Variants in USH2A observed in about 807,000 individuals in gnomAD.
USH2A encodes usherin, also known as Usher syndrome 2A (autosomal recessive, mild).
Under a neutral mutation model 538.9 loss-of-function variants are expected in USH2A, and 443 were observed. That is an observed-to-expected ratio of 0.82 (90% CI 0.76 to 0.89). The LOEUF is 0.89. Ranked by LOEUF, USH2A falls within the 40% of genes least tolerant of loss-of-function variation. The probability of loss-of-function intolerance (pLI) is 0.00; values close to 1 mark genes in which losing one functional copy is unlikely to be tolerated. For synonymous variants in USH2A, 2,413 were observed against 2,273.5 expected, an observed-to-expected ratio of 1.06 and a Z score of -1.75; for missense variants, 6,633 against 6,324.8, an observed-to-expected ratio of 1.05 and a Z score of -1.65.
In USH2A at chr1:215,844,393, A is replaced by G. The variant is rs397518042; in HGVS notation, c.9159T>C (p.Tyr3053=). The G allele has an allele frequency of 6.2e-7, 1 of 1,613,752 alleles. No individual in the cohort carries two copies. Among genetic ancestry groups the G allele is most frequent in the Middle Eastern group, 1.7e-4 (1 of 6,056 alleles). The part of the protein sequence containing the change: ...PSNPNGVVTE[Y]SIYVNNKLYK... ...AGAGCTTATTATTTACATAGATAGAATACTCAGTGACAACACCATTTGGGT... is the reference window on the plus strand; with the variant it reads ...AGAGCTTATTATTTACATAGATAGAGTACTCAGTGACAACACCATTTGGGT... Residue 3053 remains tyrosine, a synonymous_variant, in exon 46 of 72, where the codon TAT becomes TAC. Coordinates refer to ENST00000307340, the MANE Select transcript of USH2A (RefSeq NM_206933.4).
In USH2A at chr1:215,912,461, A is replaced by ATATATATATACG. The variant is rs1558157808; in HGVS notation, c.7301-11557_7301-11556insCGTATATATATA. ...GTAGGTAGTAGGTATGTGTATATAT[A>ATATATATATACG]TATATATATATATACGTATATATAT... On this transcript the variant is annotated intron_variant, in intron 38 of 71. Transcript: ENST00000307340. 3.6e-4 allele frequency among the ~76,000 whole-genome samples: 7 copies of ATATATATATACG among 19,340 alleles called. 1 individual carries two copies. The South Asian group carries it at 9.3e-3, about 26-fold the overall frequency. The allele number at this position is 19,340 out of a possible 152,430, so 12.7% of individuals were successfully genotyped here. A position where few individuals can be genotyped will look rare whatever the true frequency, so the allele number is the denominator to read the frequency against.
At position 216,137,677 on chromosome 1, in the gene USH2A, T is replaced by G. The variant is rs886364768; in HGVS notation, c.4627+37575A>C. On this transcript the variant is annotated intron_variant, in intron 21 of 71. Transcript: ENST00000307340. ...TTTCACCTTTTTCTGCCTGCTTATA[T>G]TCTAGCCAAACCGGCAGCTGATTTG... is the stretch of plus-strand genomic sequence containing the variant. 2.0e-5 allele frequency among the ~76,000 whole-genome samples: 3 copies of G among 152,260 alleles called. No individual in the cohort carries two copies. The South Asian group carries it at 6.2e-4, about 32-fold the overall frequency.
intron 20 of USH2A, among the ~76,000 whole-genome samples, chr1:216,184,343 C>A (rs1486826583): frequency 6.6e-6 from 1 of 151,934 alleles, no homozygotes; most frequent in Non-Finnish European, 1.5e-5. Flanking sequence ...TTCTTGGCAG[C>A]AGCCTCAGAT....
intron 49 of USH2A, among the ~76,000 whole-genome samples, chr1:215,809,514 A>G (rs1030288427): frequency 6.6e-6 from 1 of 151,756 alleles, no homozygotes; most frequent in African/African-American, 2.4e-5. Context: ...TTTTTCCTCA[A>G]AAAGGGGCTA....
chr1:216,175,596 G>C, intron 20 of USH2A, 114 bp from the exon 21 acceptor site: 1 of 1,035,354 alleles, frequency 9.7e-7, no homozygotes, highest in Admixed American at 1.9e-5. Flanking sequence ...AATCAAATCA[G>C]TTGTGGTTTC....
intron 11 of USH2A, among the ~76,000 whole-genome samples, chr1:216,253,581 C>T (rs1389902408): frequency 6.6e-6 from 1 of 152,084 alleles, no homozygotes; most frequent in African/African-American, 2.4e-5. Flanking sequence ...AGAAGTCCTC[C>T]TTAAGTTTAT....
In USH2A at chr1:215,786,716, G is replaced by C. The variant is rs372015149; in HGVS notation, c.10341C>G (p.Ala3447=). 6.2e-7 allele frequency: 1 copy of C among 1,613,878 alleles called. No individual in the cohort carries two copies. Among genetic ancestry groups the C allele is most frequent in the East Asian group, 2.2e-5 (1 of 44,872 alleles). The change falls in exon 52 of 72, where the codon GCC becomes GCG. Residue 3447 remains alanine (A), a synonymous_variant. Coordinates refer to ENST00000307340, the MANE Select transcript of USH2A (RefSeq NM_206933.4). ...CACTCCCTGTATGAATGGTTTCTTCGGCAGATGAACACATTTCTTCAATTG... is the reference window on the plus strand; with the variant it reads ...CACTCCCTGTATGAATGGTTTCTTCCGCAGATGAACACATTTCTTCAATTG... ...KASIEEMCSS[A]EETIHTGSVN...
At chr1:216,348,059 C>T (rs1258608859) in intron 4 of USH2A, among the ~76,000 whole-genome samples, 1 of 152,072 alleles carries the variant, frequency 6.6e-6, no homozygotes, top group Non-Finnish European at 1.5e-5. Flanking sequence ...GCCAAGGCAA[C>T]TTTTCTTTTA....
chr1:216,044,406 A>G (rs931542793), intron 32 of USH2A, among the ~76,000 whole-genome samples: 1 of 152,142 alleles, frequency 6.6e-6, no homozygotes, highest in African/African-American at 2.4e-5. Flanking sequence ...TAAAGGTTCA[A>G]AGATGTAATA....
At chr1:216,020,166 T>C (rs967936831) in intron 32 of USH2A, among the ~76,000 whole-genome samples, 2 of 152,210 alleles carry the variant, frequency 1.3e-5, no homozygotes, top group African/African-American at 4.8e-5. Flanking sequence ...AATTAATTCA[T>C]ATAATACTGA....
In USH2A at chr1:216,258,450, C is replaced by T. The variant is rs118076646; in HGVS notation, c.1972-7352G>A. On this transcript the variant is annotated intron_variant, in intron 11 of 71. Transcript: ENST00000307340. ...CTGCAGCCTCATACATGCAGTGAAC[C>T]GTAGTAAAGTGAATTCTTAAGGAAG... Among the ~76,000 whole-genome samples the T allele has an allele frequency of 3.0e-4, 45 of 152,080 alleles. No individual in the cohort carries two copies. In the East Asian group the frequency reaches 6.2e-3, roughly 21 times the overall value.
At position 215,934,829 on chromosome 1, in the gene USH2A, A is replaced by G. The variant is rs781181466; in HGVS notation, c.7121-34T>C. 1.4e-5 allele frequency: 22 copies of G among 1,537,118 alleles called. No individual in the cohort carries two copies. In the South Asian group the frequency reaches 2.1e-4, roughly 15 times the overall value. ...AAAAGAAAATTATTAAAATAAATAC[A>G]TATTTAAGAATTCATTCCTGCTATT... On this transcript the variant is annotated intron_variant, in intron 37 of 71. Coordinates refer to ENST00000307340, the MANE Select transcript of USH2A (RefSeq NM_206933.4).
At chr1:216,012,553 A>G (rs930918662) in intron 32 of USH2A, among the ~76,000 whole-genome samples, 1 of 152,240 alleles carries the variant, frequency 6.6e-6, no homozygotes, top group East Asian at 1.9e-4. Context: ...TCACCTCTAT[A>G]CAGTCTGATA....
chr1:216,028,872 T>C (rs1368746413), intron 32 of USH2A, among the ~76,000 whole-genome samples: 3 of 152,076 alleles, frequency 2.0e-5, no homozygotes, highest in African/African-American at 7.2e-5. Context: ...TATTATAAAG[T>C]GGTAAAAAGT....
At chr1:215,746,814 C>A (rs529496907) in intron 58 of USH2A, among the ~76,000 whole-genome samples, 7 of 152,112 alleles carry the variant, frequency 4.6e-5, no homozygotes, top group Non-Finnish European at 1.0e-4. Context: ...TTTCCAAGAA[C>A]CTATCATGAC....
At chr1:216,340,759 G>A (rs1041477737) in intron 4 of USH2A, among the ~76,000 whole-genome samples, 4 of 151,860 alleles carry the variant, frequency 2.6e-5, no homozygotes, top group Non-Finnish European at 5.9e-5. Flanking sequence ...TGATCATCTC[G>A]ATAGATGTAG....
At chr1:215,915,360 T>C (rs1665924480) in intron 38 of USH2A, among the ~76,000 whole-genome samples, 2 of 152,132 alleles carry the variant, frequency 1.3e-5, no homozygotes, top group African/African-American at 4.8e-5. Flanking sequence ...GGAGAGCGGA[T>C]ACTGTTGGTA....
At chr1:215,669,509 A>G (rs1657743643) in intron 64 of USH2A, among the ~76,000 whole-genome samples, 1 of 152,236 alleles carries the variant, frequency 6.6e-6, no homozygotes, top group African/African-American at 2.4e-5. Context: ...ATTTTGTAAT[A>G]TCCATACCAT....
At position 216,196,495 on chromosome 1, in the gene USH2A, AT is replaced by A. The variant is rs141989167; in HGVS notation, c.4251+57del. ...TCACAGAATTCTGCAAACTCAAAAA[AT>A]GTCCAAATGAAGCCCTAAGCCAATT... On this transcript the variant is annotated intron_variant, in intron 19 of 71. Coordinates refer to ENST00000307340, the MANE Select transcript of USH2A (RefSeq NM_206933.4). 4,683 of 1,599,826 alleles carry A rather than the reference AT, an allele frequency of 2.9e-3. 130 individuals are homozygous for A. The African/African-American group carries it at 0.055, about 19-fold the overall frequency.
Sources: allele counts gnomAD v4.1 joint callset (sites outside exome capture counted in the v4.1 genomes callset), GRCh38; gene constraint gnomAD v4.1.1; transcripts MANE v1.5; gene names NCBI Gene and HGNC (gene_info 2026-07-23, HGNC 2026-07-21).